FBXW11: variants seen among roughly 807,000 people sequenced by gnomAD.
The protein encoded by FBXW11 is F-box and WD repeat domain containing 11, also known as F-box/WD repeat-containing protein 11.
A neutral mutation model predicts 77.6 loss-of-function variants in FBXW11; 19 were observed. The ratio of observed to expected loss-of-function variants is 0.24; its 90% confidence interval spans 0.17 to 0.36. FBXW11 has a LOEUF of 0.36. FBXW11 is among the 10% of genes least tolerant of loss of function. The probability of loss-of-function intolerance (pLI) is 1.00; values close to 1 mark genes in which losing one functional copy is unlikely to be tolerated. For synonymous variants in FBXW11, 235 were observed against 249.4 expected (o/e 0.94, Z 0.54); for missense variants, 334 against 704.2 (o/e 0.47, Z 5.95).
chr5:171,911,871 G>A (rs1760904782), intron 3 of FBXW11, among the ~76,000 whole-genome samples: 1 of 152,142 alleles, frequency 6.6e-6, no homozygotes, highest in South Asian at 2.1e-4. Context: ...TAACCTCCCT[G>A]TCTAAAAACA....
At chr5:171,865,798 G>T (rs966264353) in intron 13 of FBXW11, among the ~76,000 whole-genome samples, 1 of 152,020 alleles carries the variant, frequency 6.6e-6, no homozygotes, top group Non-Finnish European at 1.5e-5. Flanking sequence ...TTTTAAAAAC[G>T]ACTCCGCAGA....
At chr5:171,986,664 T>C (rs1765460568) in intron 1 of FBXW11, among the ~76,000 whole-genome samples, 2 of 150,558 alleles carry the variant, frequency 1.3e-5, no homozygotes, top group African/African-American at 4.9e-5. Context: ...GAAGTAAGGG[T>C]TGCAGTGAGC....
At chr5:171,897,039 G>A (rs1399732741) in intron 6 of FBXW11, among the ~76,000 whole-genome samples, 1 of 152,170 alleles carries the variant, frequency 6.6e-6, no homozygotes, top group Admixed American at 6.5e-5. Flanking sequence ...CTCGTATTAA[G>A]GGTAGAAGGG....
At chr5:171,998,124 AGAG>A (rs1385242180) in intron 1 of FBXW11, among the ~76,000 whole-genome samples, 1 of 152,142 alleles carries the variant, frequency 6.6e-6, no homozygotes. Context: ...GATTTCTGAG[AGAG>A]GAGAAGAAAT....
At chr5:171,965,617 G>T (rs773623225) in intron 1 of FBXW11, among the ~76,000 whole-genome samples, 2 of 151,374 alleles carry the variant, frequency 1.3e-5, no homozygotes, top group African/African-American at 4.9e-5. Context: ...GTAGAGAGAT[G>T]AAGGGTAATG....
chr5:171,968,866 T>C (rs1764369216), intron 1 of FBXW11, among the ~76,000 whole-genome samples: 1 of 152,158 alleles, frequency 6.6e-6, no homozygotes, highest in Non-Finnish European at 1.5e-5. Context: ...TTTCTGGAAA[T>C]ATGTGCACAA....
chr5:171,945,136 C>T (rs946836321), intron 2 of FBXW11, among the ~76,000 whole-genome samples: 1 of 151,882 alleles, frequency 6.6e-6, no homozygotes, highest in African/African-American at 2.4e-5. Flanking sequence ...GTGCTAAGCA[C>T]TATGAAGGAA....
chr5:171,916,039 T>C (rs1358424181), intron 2 of FBXW11, among the ~76,000 whole-genome samples: 3 of 135,048 alleles, frequency 2.2e-5, no homozygotes, highest in Non-Finnish European at 3.0e-5. Flanking sequence ...AATTGAACAA[T>C]GAGAACACTG....
chr5:171,899,866 C>T (rs1759998449), intron 5 of FBXW11, 48 bp downstream of exon 5: 2 of 1,483,204 alleles, frequency 1.3e-6, no homozygotes, highest in Admixed American at 2.0e-5. Flanking sequence ...CAAGCTGACT[C>T]TATGTCAATA....
chr5:171,929,463 A>G (rs1431822332), intron 2 of FBXW11, among the ~76,000 whole-genome samples: 2 of 152,238 alleles, frequency 1.3e-5, no homozygotes, highest in African/African-American at 4.8e-5. Context: ...AGTCAATGCA[A>G]CAGAGCAAGA....
chr5:172,001,102 TC>T (rs1267007275), intron 1 of FBXW11, among the ~76,000 whole-genome samples: 2 of 152,140 alleles, frequency 1.3e-5, no homozygotes, highest in Non-Finnish European at 2.9e-5. Flanking sequence ...CTCTTCCCCC[TC>T]CCCATCTTTC....
chr5:171,902,846 C>CT (rs1218952844), intron 4 of FBXW11, among the ~76,000 whole-genome samples: 3 of 152,310 alleles, frequency 2.0e-5, no homozygotes, highest in East Asian at 3.9e-4. Context: ...ATCTTCACAT[C>CT]TTTCTCAAAC....
chr5:171,965,254 G>A (rs896036239), intron 1 of FBXW11, among the ~76,000 whole-genome samples: 1 of 152,170 alleles, frequency 6.6e-6, no homozygotes, highest in African/African-American at 2.4e-5. Context: ...ATCCAGGCAA[G>A]ATGGCTCATG....
In FBXW11 at chr5:172,006,554, G is replaced by GGGCGGAGGAGGC. The variant is rs1554112476; in HGVS notation, c.-64_-53dup. 1.8e-5 allele frequency: 27 copies of GGGCGGAGGAGGC among 1,460,380 alleles called. No homozygotes were observed. Among genetic ancestry groups the GGGCGGAGGAGGC allele is most frequent in the Non-Finnish European group, 2.3e-5 (25 of 1,103,644 alleles). 90.5% of individuals were successfully genotyped at this position (1,460,380 alleles called of 1,614,324 possible). ...CTCCCCGCGCAGCAGCGAACGGCCC[G>GGGCGGAGGAGGC]GGCGGAGGAGGCGACGGCGGAGGCG... On this transcript the variant is annotated 5_prime_UTR_variant, in exon 1 of 14. Coordinates refer to ENST00000517395, the MANE Select transcript of FBXW11 (RefSeq NM_001378974.1).
intron 1 of FBXW11, among the ~76,000 whole-genome samples, chr5:171,982,644 C>T (rs1163242156): frequency 6.6e-6 from 1 of 152,210 alleles, no homozygotes; most frequent in Admixed American, 6.5e-5. Context: ...AACTGGAGTA[C>T]AGACATTTAG....
intron 2 of FBXW11, among the ~76,000 whole-genome samples, chr5:171,946,485 C>T (rs1763015730): frequency 1.3e-5 from 2 of 152,032 alleles, no homozygotes; most frequent in East Asian, 1.9e-4. Context: ...TATGACCTTC[C>T]TCCTTCCTTC....
At chr5:171,924,894 G>A (rs184456555) in intron 2 of FBXW11, among the ~76,000 whole-genome samples, 15 of 152,156 alleles carry the variant, frequency 9.9e-5, no homozygotes, top group Admixed American at 2.0e-4. Context: ...TTGGGGTCAC[G>A]CGGATGCTGG....
chr5:171,908,822 G>A (rs1760696642), intron 4 of FBXW11: 1 of 152,176 alleles, frequency 6.6e-6, no homozygotes, highest in South Asian at 2.1e-4. Flanking sequence ...CTTAGAACAT[G>A]AGTCTTGTTT....
chr5:171,927,113 TG>T (rs1761932408), intron 2 of FBXW11, among the ~76,000 whole-genome samples: 1 of 152,104 alleles, frequency 6.6e-6, no homozygotes, highest in African/African-American at 2.4e-5. Flanking sequence ...CCTCAAGACC[TG>T]GGAATAGGCA....
Sources: allele counts gnomAD v4.1 joint callset (sites outside exome capture counted in the v4.1 genomes callset), GRCh38; gene constraint gnomAD v4.1.1; transcripts MANE v1.5; gene names NCBI Gene and HGNC (gene_info 2026-07-23, HGNC 2026-07-21).